The following GYG1 variants were observed in gnomAD, a reference collection of about 807,000 sequenced individuals.
The protein encoded by GYG1 is glycogenin-1.
Under a neutral mutation model 41.9 loss-of-function variants are expected in GYG1, and 44 were observed. The observed-to-expected ratio is 1.05, with a 90% confidence interval of 0.83 to 1.35. The LOEUF (loss-of-function observed/expected upper bound fraction) is 1.35, where lower values mean the gene tolerates loss of function less well. Among genes scored for constraint, GYG1 ranks in the 40% most tolerant of loss-of-function variants. The probability of loss-of-function intolerance (pLI) is 0.00; values close to 1 mark genes in which losing one functional copy is unlikely to be tolerated. For synonymous variants in GYG1, 141 were observed against 158.1 expected, an observed-to-expected ratio of 0.89 and a Z score of 0.81; for missense variants, 429 against 418.9, an observed-to-expected ratio of 1.02 and a Z score of -0.21.
At chr3:149,010,106 A>G (rs73011311) in intron 5 of GYG1, among the ~76,000 whole-genome samples, 3,576 of 152,228 alleles carry the variant, frequency 0.023, 139 homozygotes, top group African/African-American at 0.081. Flanking sequence ...TAATTCGTAA[A>G]CCAGAAAGGC....
At chr3:148,999,164 T>A (rs1204359610) in intron 4 of GYG1, among the ~76,000 whole-genome samples, 2 of 152,240 alleles carry the variant, frequency 1.3e-5, no homozygotes, top group African/African-American at 4.8e-5. Context: ...CTTGGATGCG[T>A]GCAGAGTGCT....
At position 149,029,339 on chromosome 3, in the gene GYG1, T is replaced by C. The variant is rs572247085; in HGVS notation, c.*2406T>C. ...TGCAGAGGTGATCCATATATACTTA[T>C]CCCCTTGCAGTGGCTGGTATGACCT... On this transcript the variant is annotated 3_prime_UTR_variant, in exon 8 of 8. Transcript: ENST00000345003. Among the ~76,000 whole-genome samples, 2 of 152,218 alleles carry C rather than the reference T, an allele frequency of 1.3e-5. No homozygotes were observed. The highest frequency in any genetic ancestry group is 2.4e-5 in the African/African-American group (1 of 41,560).
intron 2 of GYG1, among the ~76,000 whole-genome samples, chr3:148,995,422 C>T (rs866041195): frequency 1.3e-5 from 2 of 152,054 alleles, no homozygotes; most frequent in Admixed American, 6.5e-5. Flanking sequence ...AAAAAGTAGA[C>T]GTTCTGTATA....
rs143959979 is a variant in GYG1, at chr3:148,996,430, C to G, written c.272C>G (p.Ser91Trp). 6.2e-7 allele frequency: 1 copy of G among 1,613,868 alleles called. No homozygotes were observed. Among genetic ancestry groups the G allele is most frequent in the Non-Finnish European group, 8.5e-7 (1 of 1,179,890 alleles). Residue 91 changes from serine (S) to tryptophan (W), a missense_variant, in exon 3 of 8, where the codon TCG becomes TGG. Physicochemically the swap from Ser to Trp is radical, Grantham distance 177. Transcript: ENST00000345003. ...ACGCTGACAAAGCTCCACTGCTGGT[C>G]GCTTACACAGTATTCAAAATGTGTA... ...GVTLTKLHCWSLTQYSKCVFM... is the reference protein window; with the variant it reads ...GVTLTKLHCWWLTQYSKCVFM...
At chr3:148,998,492 G>A (rs1428757743) in intron 4 of GYG1, among the ~76,000 whole-genome samples, 3 of 152,222 alleles carry the variant, frequency 2.0e-5, no homozygotes, top group Admixed American at 6.5e-5. Flanking sequence ...TGTCAGTAGT[G>A]CTGAGGTTGC....
At chr3:148,998,299 A>G (rs78011642) in intron 4 of GYG1, among the ~76,000 whole-genome samples, 2,357 of 152,334 alleles carry the variant, frequency 0.015, 74 homozygotes, top group African/African-American at 0.054. Context: ...GTAAGCTAAT[A>G]GTTCTCAAAA....
chr3:149,000,733 A>G (rs935561510), intron 4 of GYG1, among the ~76,000 whole-genome samples: 1 of 152,118 alleles, frequency 6.6e-6, no homozygotes, highest in African/African-American at 2.4e-5. Context: ...AACATCTTAT[A>G]CTCATTTTGA....
rs116709268 is a variant in GYG1 at position 149,005,355 on chromosome 3, G to A, written c.482-3921G>A. On this transcript the variant is annotated intron_variant, in intron 4 of 7. Transcript: ENST00000345003. ...ACATCTATTACACCAATCCCCTAAT[G>A]CAATTACTATTATTTTATTTACTTT... Among the ~76,000 whole-genome samples, 1,246 of 152,092 alleles carry A rather than the reference G, an allele frequency of 8.2e-3. 16 individuals are homozygous for A. Among genetic ancestry groups the A allele is most frequent in the African/African-American group, 0.028 (1,179 of 41,478 alleles).
chr3:149,010,975 T>C (rs1378957702), intron 5 of GYG1, among the ~76,000 whole-genome samples: 1 of 152,208 alleles, frequency 6.6e-6, no homozygotes, highest in African/African-American at 2.4e-5. Context: ...AATGTTTCCT[T>C]TTCTGTTCTT....
chr3:149,019,518 C>T (rs1331690117), intron 5 of GYG1, among the ~76,000 whole-genome samples: 2 of 152,268 alleles, frequency 1.3e-5, no homozygotes, highest in African/African-American at 4.8e-5. Flanking sequence ...CCTTAAGATC[C>T]CAGTTTCTAC....
chr3:149,014,807 G>A (rs1713926827), intron 5 of GYG1, among the ~76,000 whole-genome samples: 1 of 151,362 alleles, frequency 6.6e-6, no homozygotes, highest in Non-Finnish European at 1.5e-5. Flanking sequence ...GGCAGAGGTT[G>A]GAGTGAGCTG....
intron 5 of GYG1, among the ~76,000 whole-genome samples, chr3:149,011,036 A>C (rs1278830645): frequency 6.6e-6 from 1 of 152,290 alleles, no homozygotes; most frequent in Non-Finnish European, 1.5e-5. Context: ...GAAGCATCTC[A>C]TGTTCTTTCC....
intron 5 of GYG1, among the ~76,000 whole-genome samples, chr3:149,017,874 A>G (rs910103801): frequency 6.6e-6 from 1 of 151,536 alleles, no homozygotes; most frequent in Non-Finnish European, 1.5e-5. Context: ...CGGCCTCCCA[A>G]AGTGCTAGGA....
chr3:149,001,900 A>G (rs1713113848), intron 4 of GYG1, among the ~76,000 whole-genome samples: 1 of 152,218 alleles, frequency 6.6e-6, no homozygotes, highest in Non-Finnish European at 1.5e-5. Flanking sequence ...TTTATGACAG[A>G]TGAATTAAGT....
At position 149,031,027 on chromosome 3, in the gene GYG1, G is replaced by A. The variant is rs1714986622; in HGVS notation, c.*4094G>A. ...TGTTAGAGTAATTAATCTTTCTTTG[G>A]ATTAAAGTTTCCCTTTGAAATAAAA... On this transcript the variant is annotated 3_prime_UTR_variant, in exon 8 of 8. Coordinates refer to ENST00000345003, the MANE Select transcript of GYG1 (RefSeq NM_004130.4). 6.6e-6 allele frequency: 1 copy of A among 151,916 alleles called. No homozygotes were observed. The highest frequency in any genetic ancestry group is 1.5e-5 in the Non-Finnish European group (1 of 67,990). The allele number at this position is 151,916 out of a possible 1,614,324, so 9.4% of individuals were successfully genotyped here. A position where few individuals can be genotyped will look rare whatever the true frequency, so the allele number is the denominator to read the frequency against.
chr3:149,016,602 A>T (rs1007136136), intron 5 of GYG1, among the ~76,000 whole-genome samples: 3 of 152,078 alleles, frequency 2.0e-5, no homozygotes, highest in African/African-American at 7.2e-5. Flanking sequence ...TATTGGGAGG[A>T]TTAGTTTGCA....
At chr3:148,998,890 A>G (rs1406525392) in intron 4 of GYG1, among the ~76,000 whole-genome samples, 1 of 152,214 alleles carries the variant, frequency 6.6e-6, no homozygotes, top group Non-Finnish European at 1.5e-5. Context: ...TGAAGGAAGT[A>G]AGTGTAATCC....
At chr3:148,991,692 T>TCCTGCCCAGCCGCCGCCTC in intron 1 of GYG1, 45 bp downstream of exon 1, 2 of 1,437,104 alleles carry the variant, frequency 1.4e-6, no homozygotes, top group South Asian at 1.2e-5. Flanking sequence ...GACCCCGGCT[T>TCCTGCCCAGCCGCCGCCTC]CCTGCCCAGC....
At chr3:149,024,551 G>A (rs1714550394) in intron 6 of GYG1, among the ~76,000 whole-genome samples, 1 of 152,160 alleles carries the variant, frequency 6.6e-6, no homozygotes, top group Admixed American at 6.6e-5. Flanking sequence ...ATTCTCCTCT[G>A]AAAAGATTTT....
Sources: allele counts gnomAD v4.1 joint callset (sites outside exome capture counted in the v4.1 genomes callset), GRCh38; gene constraint gnomAD v4.1.1; transcripts MANE v1.5; gene names NCBI Gene and HGNC (gene_info 2026-07-23, HGNC 2026-07-21).